Variants in MARCHF1 observed in about 807,000 individuals in gnomAD.
The protein encoded by MARCHF1 is membrane associated ring-CH-type finger 1.
A neutral mutation model predicts 54.2 loss-of-function variants in MARCHF1; 40 were observed. The ratio of observed to expected loss-of-function variants is 0.74; its 90% confidence interval spans 0.57 to 0.96. The LOEUF is 0.96. Among genes scored for constraint, MARCHF1 ranks in the 40% least tolerant of loss-of-function variants. MARCHF1 has a pLI of 0.00. For missense variants in MARCHF1, 586 were observed against 656.5 expected (o/e 0.89, Z 1.17); for synonymous variants, 236 against 236.3 (o/e 1.00, Z 0.01).
At chr4:163,620,105 A>C (rs1741633501) in intron 5 of MARCHF1, among the ~76,000 whole-genome samples, 1 of 152,180 alleles carries the variant, frequency 6.6e-6, no homozygotes. Flanking sequence ...AAAAATGAGC[A>C]AAACAGGTAG....
chr4:163,642,018 G>A (rs937530638), intron 5 of MARCHF1, among the ~76,000 whole-genome samples: 3 of 152,064 alleles, frequency 2.0e-5, no homozygotes, highest in African/African-American at 7.3e-5. Flanking sequence ...CACTCCTACA[G>A]TGCTAATGCT....
chr4:164,148,769 T>C (rs1729846930), intron 1 of MARCHF1, among the ~76,000 whole-genome samples: 1 of 150,556 alleles, frequency 6.6e-6, no homozygotes, highest in South Asian at 2.1e-4. Flanking sequence ...TTCCTATAAG[T>C]AATTCTAGAA....
chr4:164,040,308 A>G, intron 2 of MARCHF1, among the ~76,000 whole-genome samples: 1 of 116,494 alleles, frequency 8.6e-6, no homozygotes, highest in Non-Finnish European at 1.7e-5. Flanking sequence ...AAGTACATAT[A>G]CTTATAAATA....
chr4:163,726,735 T>G (rs1392215046), intron 4 of MARCHF1, among the ~76,000 whole-genome samples: 2 of 152,198 alleles, frequency 1.3e-5, no homozygotes, highest in Admixed American at 6.5e-5. Context: ...AATAAATGAG[T>G]GTTCCTGTTA....
intron 1 of MARCHF1, among the ~76,000 whole-genome samples, chr4:164,285,591 T>C (rs548562831): frequency 6.6e-6 from 1 of 151,750 alleles, no homozygotes; most frequent in South Asian, 2.1e-4. Context: ...TCTAGGCGCC[T>C]GCAACCACGC....
At chr4:164,184,986 T>C (rs764486318) in intron 1 of MARCHF1, among the ~76,000 whole-genome samples, 1 of 152,200 alleles carries the variant, frequency 6.6e-6, no homozygotes, top group African/African-American at 2.4e-5. Flanking sequence ...AGATGGTAAA[T>C]TTCATATTGT....
At chr4:164,301,018 G>GC (rs397805967) in intron 1 of MARCHF1, among the ~76,000 whole-genome samples, 5 of 2,882 alleles carry the variant, frequency 1.7e-3, no homozygotes, top group Non-Finnish European at 3.6e-3. Context: ...AGCATGTTTA[G>GC]TTGCCTAGCA....
At position 164,188,917 on chromosome 4, in the gene MARCHF1, A is replaced by G. The variant is rs74381908; in HGVS notation, c.-322-77255T>C. ...TACCAGCCTATTTCAATGATGCCCA[A>G]TGCGAAGCAACCAAAGATATTGGAA... is the stretch of plus-strand genomic sequence containing the variant. On this transcript the variant is annotated intron_variant, in intron 1 of 9. Coordinates refer to ENST00000514618, the MANE Select transcript of MARCHF1 (RefSeq NM_001394959.1). 3,485 of 767,996 alleles carry G rather than the reference A, an allele frequency of 4.5e-3. 53 individuals carry two copies. The highest frequency in any genetic ancestry group is 0.042 in the African/African-American group (2,465 of 58,738). The allele number at this position is 767,996 out of a possible 1,614,324, so 47.6% of individuals were successfully genotyped here.
chr4:163,918,250 T>C (rs1357362692), intron 3 of MARCHF1, among the ~76,000 whole-genome samples: 1 of 152,114 alleles, frequency 6.6e-6, no homozygotes, highest in African/African-American at 2.4e-5. Flanking sequence ...CCATTTTTAA[T>C]AGATTTTGCA....
chr4:163,615,329 C>G (rs982341735), intron 5 of MARCHF1, among the ~76,000 whole-genome samples: 1 of 151,932 alleles, frequency 6.6e-6, no homozygotes, highest in South Asian at 2.1e-4. Flanking sequence ...GTTAAGAGAC[C>G]TAAAGACACC....
intron 9 of MARCHF1, among the ~76,000 whole-genome samples, chr4:163,538,115 T>G (rs2110890050): frequency 6.6e-6 from 1 of 152,226 alleles, no homozygotes; most frequent in South Asian, 2.1e-4. Flanking sequence ...GTCCACAGTT[T>G]GTAGGGAAAT....
chr4:164,069,443 G>GT (rs1754812213), intron 2 of MARCHF1, among the ~76,000 whole-genome samples: 1 of 152,174 alleles, frequency 6.6e-6, no homozygotes. Flanking sequence ...TTTATGAGAT[G>GT]TAACACTCAC....
chr4:164,008,384 T>G (rs1397174428), intron 2 of MARCHF1, among the ~76,000 whole-genome samples: 1 of 152,022 alleles, frequency 6.6e-6, no homozygotes, highest in African/African-American at 2.4e-5. Context: ...ACAATAATAG[T>G]AGGCAACTTT....
intron 1 of MARCHF1, among the ~76,000 whole-genome samples, chr4:164,382,828 G>A (rs1216181922): frequency 1.3e-5 from 2 of 152,170 alleles, no homozygotes; most frequent in Admixed American, 6.5e-5. Flanking sequence ...ACCTGAGCAG[G>A]TTCAGAATCT....
At chr4:163,681,410 G>A (rs187523603) in intron 5 of MARCHF1, among the ~76,000 whole-genome samples, 1 of 152,188 alleles carries the variant, frequency 6.6e-6, no homozygotes, top group Non-Finnish European at 1.5e-5. Context: ...TGCCCCCTAG[G>A]GGTGATAGTC....
At chr4:163,727,242 G>C (rs1236601037) in intron 4 of MARCHF1, among the ~76,000 whole-genome samples, 1 of 151,738 alleles carries the variant, frequency 6.6e-6, no homozygotes, top group Non-Finnish European at 1.5e-5. Flanking sequence ...TTTACATTTA[G>C]GTCTTTGATC....
intron 1 of MARCHF1, among the ~76,000 whole-genome samples, chr4:164,371,356 A>C (rs1010928663): frequency 1.3e-5 from 2 of 152,328 alleles, no homozygotes; most frequent in Admixed American, 1.3e-4. Context: ...AATACTACTT[A>C]AACAAGAAAT....
At chr4:163,773,182 T>C (rs929763540) in intron 4 of MARCHF1, among the ~76,000 whole-genome samples, 6 of 152,056 alleles carry the variant, frequency 3.9e-5, no homozygotes, top group Non-Finnish European at 5.9e-5. Context: ...AGATGTGTTA[T>C]GAAAGGCGGA....
intron 4 of MARCHF1, among the ~76,000 whole-genome samples, chr4:163,707,787 A>G: frequency 9.6e-6 from 1 of 104,502 alleles, no homozygotes; most frequent in Non-Finnish European, 1.8e-5. Flanking sequence ...GTTTTGAACT[A>G]AAAAAAAAAA....
Sources: gnomAD v4.1 joint callset for allele counts (sites outside exome capture counted in the v4.1 genomes callset) on GRCh38, gnomAD v4.1.1 for gene constraint, MANE v1.5 for transcripts, NCBI Gene and HGNC (gene_info 2026-07-23, HGNC 2026-07-21) for gene names.